ARHGAP15: variants seen among roughly 807,000 people sequenced by gnomAD.
The protein encoded by ARHGAP15 is Rho GTPase activating protein 15.
A neutral mutation model predicts 63.7 loss-of-function variants in ARHGAP15; 51 were observed. The ratio of observed to expected loss-of-function variants is 0.80; its 90% CI spans 0.64 to 1.01. The LOEUF is 1.01. ARHGAP15 is among the 50% of genes least tolerant of loss of function. The pLI, the probability that ARHGAP15 is intolerant of heterozygous loss-of-function variation, is 0.00. For synonymous variants in ARHGAP15, 191 were observed against 193.8 expected (o/e 0.99, Z 0.12); for missense variants, 560 against 564.6 (o/e 0.99, Z 0.08).
intron 10 of ARHGAP15, among the ~76,000 whole-genome samples, chr2:143,551,511 T>C (rs994355529): frequency 2.0e-5 from 3 of 152,224 alleles, no homozygotes; most frequent in Non-Finnish European, 4.4e-5. Flanking sequence ...GCAGCTACTG[T>C]ACTTAGTTCT....
intron 12 of ARHGAP15, among the ~76,000 whole-genome samples, chr2:143,701,273 T>C (rs1191350073): frequency 1.3e-5 from 2 of 152,196 alleles, no homozygotes; most frequent in African/African-American, 4.8e-5. Context: ...TTAAAGAACC[T>C]GCCAGTTTCT....
In ARHGAP15 at chr2:143,747,383, A is replaced by G. The variant is rs149844544; in HGVS notation, c.1245-20606A>G. Among the ~76,000 whole-genome samples the G allele has an allele frequency of 1.9e-3, 294 of 151,166 alleles. 3 individuals carry two copies. The highest frequency in any genetic ancestry group is 6.6e-3 in the African/African-American group (274 of 41,540). ...GTAACTTATGAGCCAATATTGAGAC[A>G]TTAATTAAAGTCCATAGTTTACATT... On this transcript the variant is annotated intron_variant, in intron 13 of 13. Transcript: ENST00000295095.
chr2:143,623,422 T>A (rs532308396), intron 11 of ARHGAP15, among the ~76,000 whole-genome samples: 6 of 152,308 alleles, frequency 3.9e-5, no homozygotes, highest in African/African-American at 1.2e-4. Context: ...TAAGCACTTG[T>A]GGTTTGTCTT....
rs538392734 is a variant in ARHGAP15 at position 143,309,000 on chromosome 2, G to A, written c.474+58400G>A. 2.0e-5 allele frequency among the ~76,000 whole-genome samples: 3 copies of A among 149,822 alleles called. No homozygotes were observed. In the East Asian group the frequency reaches 5.9e-4, roughly 29 times the overall value. On this transcript the variant is annotated intron_variant, in intron 6 of 13. Coordinates refer to ENST00000295095, the MANE Select transcript of ARHGAP15 (RefSeq NM_018460.4). ...TTAAGAAAAGAAAAGTTTTTATGGAGTTTATTCTGATAATATTATCTCATA... is the reference window on the plus strand; with the variant it reads ...TTAAGAAAAGAAAAGTTTTTATGGAATTTATTCTGATAATATTATCTCATA...
At chr2:143,201,506 G>T (rs572014855) in intron 2 of ARHGAP15, among the ~76,000 whole-genome samples, 1 of 152,032 alleles carries the variant, frequency 6.6e-6, no homozygotes, top group African/African-American at 2.4e-5. Context: ...CTTATTTCAC[G>T]TGTTCTCACT....
chr2:143,719,750 A>G (rs1295347248), intron 13 of ARHGAP15, among the ~76,000 whole-genome samples: 3 of 152,184 alleles, frequency 2.0e-5, no homozygotes, highest in African/African-American at 7.2e-5. Context: ...TAGTGGGAAA[A>G]AAGAAATAAA....
intron 5 of ARHGAP15, chr2:143,237,600 C>T (rs550755750): frequency 3.3e-5 from 5 of 152,292 alleles, no homozygotes; most frequent in African/African-American, 1.2e-4. Flanking sequence ...TGTTTAGTGT[C>T]ACACCCTACT....
chr2:143,710,936 C>A (rs1684553043), intron 13 of ARHGAP15, among the ~76,000 whole-genome samples: 1 of 152,198 alleles, frequency 6.6e-6, no homozygotes, highest in East Asian at 1.9e-4. Flanking sequence ...CTGTAAAATT[C>A]TACCTACAAA....
chr2:143,382,742 C>G (rs1360024327), intron 6 of ARHGAP15, among the ~76,000 whole-genome samples: 1 of 152,104 alleles, frequency 6.6e-6, no homozygotes, highest in Non-Finnish European at 1.5e-5. Flanking sequence ...GGGAAGATCC[C>G]GTGAGGCTGA....
intron 12 of ARHGAP15, among the ~76,000 whole-genome samples, chr2:143,697,384 T>C (rs1479469768): frequency 1.3e-5 from 2 of 152,220 alleles, no homozygotes; most frequent in Non-Finnish European, 2.9e-5. Flanking sequence ...TCACTTACTA[T>C]GTGTACATTT....
At chr2:143,693,316 T>A (rs1683696505) in intron 12 of ARHGAP15, among the ~76,000 whole-genome samples, 1 of 152,218 alleles carries the variant, frequency 6.6e-6, no homozygotes, top group African/African-American at 2.4e-5. Flanking sequence ...GTATAAAATA[T>A]CCCACAAAGT....
chr2:143,645,479 C>T (rs945843385), intron 12 of ARHGAP15, among the ~76,000 whole-genome samples: 1 of 151,990 alleles, frequency 6.6e-6, no homozygotes, highest in African/African-American at 2.4e-5. Flanking sequence ...CAAGTTGCCC[C>T]TTATTGACAA....
At chr2:143,272,456 C>A (rs1315900360) in intron 6 of ARHGAP15, among the ~76,000 whole-genome samples, 1 of 151,816 alleles carries the variant, frequency 6.6e-6, no homozygotes, top group Non-Finnish European at 1.5e-5. Context: ...ACAGTTGAAA[C>A]CCCATCTCTA....
In ARHGAP15 at chr2:143,319,371, C is replaced by T. The variant is rs116675547; in HGVS notation, c.474+68771C>T. On this transcript the variant is annotated intron_variant, in intron 6 of 13. Transcript: ENST00000295095. ...TCCCGAGTAGCTGGGATTACAGGCG[C>T]GCATCACCATGCCTGGCTAATTGTA... Among the ~76,000 whole-genome samples, 729 of 151,870 alleles carry T rather than the reference C, an allele frequency of 4.8e-3. 5 individuals carry two copies. The highest frequency in any genetic ancestry group is 0.016 in the African/African-American group (649 of 41,380).
At chr2:143,673,748 G>GTCTATATATATATATA (rs869099523) in intron 12 of ARHGAP15, among the ~76,000 whole-genome samples, 1 of 34,148 alleles carries the variant, frequency 2.9e-5, no homozygotes, top group Non-Finnish European at 7.9e-5. Context: ...GTGTGTGTGT[G>GTCTATATATATATATA]TGTGTGTGTG....
chr2:143,751,355 G>A (rs1228011288), intron 13 of ARHGAP15, among the ~76,000 whole-genome samples: 19 of 152,190 alleles, frequency 1.2e-4, no homozygotes, highest in Admixed American at 1.2e-3. Flanking sequence ...GCTGACAGCT[G>A]AAGCTGCCTG....
At chr2:143,468,279 CT>C (rs1261790627) in intron 8 of ARHGAP15, among the ~76,000 whole-genome samples, 2 of 151,704 alleles carry the variant, frequency 1.3e-5, no homozygotes, top group African/African-American at 2.4e-5. Context: ...TTGTAGTCAA[CT>C]TTTTTTCCTT....
rs185353888 is a variant in ARHGAP15 at position 143,269,664 on chromosome 2, A to G, written c.474+19064A>G. 7.9e-4 allele frequency among the ~76,000 whole-genome samples: 119 copies of G among 150,388 alleles called. 1 individual carries two copies. Among genetic ancestry groups the G allele is most frequent in the South Asian group, 2.8e-3 (13 of 4,638 alleles). ...GAAAAAGTGTTTCAAATCACTTCCT[A>G]TAAGTTATAAATGTGTTAGTTTTTT... On this transcript the variant is annotated intron_variant, in intron 6 of 13. Coordinates refer to ENST00000295095, the MANE Select transcript of ARHGAP15 (RefSeq NM_018460.4).
At chr2:143,203,699 G>C (rs1488992839) in intron 3 of ARHGAP15, among the ~76,000 whole-genome samples, 3 of 151,930 alleles carry the variant, frequency 2.0e-5, no homozygotes, top group Non-Finnish European at 4.4e-5. Context: ...CAATTAGCTG[G>C]AGAGCCACCT....
Sources: gnomAD v4.1 joint callset for allele counts (sites outside exome capture counted in the v4.1 genomes callset) on GRCh38, gnomAD v4.1.1 for gene constraint, MANE v1.5 for transcripts, NCBI Gene and HGNC (gene_info 2026-07-23, HGNC 2026-07-21) for gene names.